Variants in STK33 observed in about 807,000 individuals in gnomAD.
STK33 encodes the protein serine/threonine-protein kinase 33.
In STK33, 52 loss-of-function variants were observed where a neutral mutation model predicts 58.0. That is an observed-to-expected ratio of 0.90 (90% CI 0.72 to 1.13). The LOEUF (loss-of-function observed/expected upper bound fraction) is 1.13. Ranked by LOEUF, STK33 falls within the 50% of genes most tolerant of loss-of-function variation. The pLI, the probability that STK33 is intolerant of heterozygous loss-of-function variation, is 0.00. For missense variants in STK33, 630 were observed against 604.2 expected (o/e 1.04, Z -0.45); for synonymous variants, 215 against 200.1 (o/e 1.07, Z -0.63).
chr11:8,454,713 G>A (rs779379865), intron 10 of STK33, 31 bp downstream of exon 10: 23 of 1,548,792 alleles, frequency 1.5e-5, no homozygotes, highest in Middle Eastern at 1.7e-4. Flanking sequence ...ACTGTTTACA[G>A]GCAAATATTT....
At position 8,517,333 on chromosome 11, in the gene STK33, G is replaced by A. The variant is rs571934008; in HGVS notation, c.-465-36719C>T. On this transcript the variant is annotated intron_variant, in intron 1 of 15. Coordinates refer to ENST00000687296, the MANE Select transcript of STK33 (RefSeq NM_001352389.2). ...ATCCACACCAAAACTCCATCTGTAC[G>A]TCACCATCACCAAAGACCAAAGGTA... is the stretch of plus-strand genomic sequence containing the variant. Among the ~76,000 whole-genome samples the A allele has an allele frequency of 5.3e-4, 80 of 152,290 alleles. 3 individuals are homozygous for A. The South Asian group carries it at 0.014, about 26-fold the overall frequency.
At chr11:8,523,281 C>T (rs1310588436) in intron 1 of STK33, among the ~76,000 whole-genome samples, 2 of 151,600 alleles carry the variant, frequency 1.3e-5, no homozygotes, top group Non-Finnish European at 2.9e-5. Flanking sequence ...AGCCCCTCTG[C>T]CCAGCCGCCC....
chr11:8,543,651 A>G (rs1249208531), intron 1 of STK33, among the ~76,000 whole-genome samples: 4 of 152,208 alleles, frequency 2.6e-5, no homozygotes, highest in Non-Finnish European at 5.9e-5. Context: ...GTACATTAAA[A>G]AAATGGAAGA....
At chr11:8,410,706 C>T (rs1940098863) in intron 15 of STK33, among the ~76,000 whole-genome samples, 2 of 152,092 alleles carry the variant, frequency 1.3e-5, no homozygotes, top group African/African-American at 4.8e-5. Context: ...CTCCTGACCT[C>T]AGGTGATCCA....
intron 1 of STK33, among the ~76,000 whole-genome samples, chr11:8,543,878 A>G (rs929290911): frequency 1.3e-5 from 2 of 152,208 alleles, no homozygotes; most frequent in Non-Finnish European, 2.9e-5. Context: ...CCTACTATGT[A>G]CTCACAAAAA....
intron 1 of STK33, among the ~76,000 whole-genome samples, chr11:8,523,014 C>T (rs1312719511): frequency 6.6e-6 from 1 of 152,214 alleles, no homozygotes; most frequent in Non-Finnish European, 1.5e-5. Context: ...GGCTGGTCTC[C>T]AGCTCCTGAC....
At chr11:8,518,788 C>A (rs187118157) in intron 1 of STK33, among the ~76,000 whole-genome samples, 175 of 152,292 alleles carry the variant, frequency 1.1e-3, no homozygotes, top group African/African-American at 4.0e-3. Flanking sequence ...AAAAGAAGAG[C>A]TAACTTCCTA....
At chr11:8,363,089 C>T in the STK33 span, among the ~76,000 whole-genome samples, 5 of 152,112 alleles carry the variant, frequency 3.3e-5, no homozygotes, top group East Asian at 3.9e-4. Context: ...AGGTGATGAC[C>T]GAAGTGGGAG....
intron 11 of STK33, 58 bp downstream of exon 11, chr11:8,452,764 G>A: frequency 6.7e-7 from 1 of 1,492,702 alleles, no homozygotes; most frequent in Non-Finnish European, 9.3e-7. Context: ...CTCCAGCCTG[G>A]GCAACAGAGG....
At chr11:8,526,828 CA>C (rs35493333) in intron 1 of STK33, among the ~76,000 whole-genome samples, 15 of 131,976 alleles carry the variant, frequency 1.1e-4, no homozygotes, top group African/African-American at 2.0e-4. Context: ...TGATACTGAG[CA>C]AAAAAAAAAA....
In STK33 at chr11:8,533,847, G is replaced by C. The variant is rs565126364; in HGVS notation, c.-465-53233C>G. 1.5e-3 allele frequency among the ~76,000 whole-genome samples: 232 copies of C among 152,270 alleles called. 2 individuals are homozygous for C. The highest frequency in any genetic ancestry group is 5.5e-3 in the African/African-American group (227 of 41,562). ...ATAATACATAGCAAAAGGAAAGAAG[G>C]GCAGAATATCTGCTGTACAGTTGAT... On this transcript the variant is annotated intron_variant, in intron 1 of 15. Transcript: ENST00000687296.
intron 1 of STK33, among the ~76,000 whole-genome samples, chr11:8,491,795 A>T (rs1032308983): frequency 6.6e-6 from 1 of 152,236 alleles, no homozygotes; most frequent in African/African-American, 2.4e-5. Flanking sequence ...AATATTCAAC[A>T]TTCTTAAAGA....
chr11:8,457,572 T>A, intron 8 of STK33, 93 bp from the exon 9 acceptor site: 1 of 1,107,016 alleles, frequency 9.0e-7, no homozygotes, highest in Non-Finnish European at 1.3e-6. Context: ...ACAGTCATAA[T>A]CATTAATTTA....
intron 14 of STK33, among the ~76,000 whole-genome samples, chr11:8,425,128 T>C (rs369323124): frequency 6.6e-6 from 1 of 151,456 alleles, no homozygotes; most frequent in Non-Finnish European, 1.5e-5. Flanking sequence ...GGTCTAACAT[T>C]TAAGTCTTTA....
the STK33 span, among the ~76,000 whole-genome samples, chr11:8,339,560 C>T: frequency 6.6e-6 from 1 of 152,334 alleles, no homozygotes; most frequent in Non-Finnish European, 1.5e-5. Context: ...GGGTGCAGGG[C>T]GGCGCACAGA....
intron 1 of STK33, among the ~76,000 whole-genome samples, chr11:8,499,839 A>G (rs968999801): frequency 6.6e-6 from 1 of 152,040 alleles, no homozygotes; most frequent in Non-Finnish European, 1.5e-5. Flanking sequence ...CAAACACCAC[A>G]TGTTCTCACT....
chr11:8,487,488 A>G (rs1243490818), intron 1 of STK33, among the ~76,000 whole-genome samples: 1 of 151,980 alleles, frequency 6.6e-6, no homozygotes, highest in African/African-American at 2.4e-5. Context: ...AGGCACCTGA[A>G]GTCATGCATA....
downstream of STK33, among the ~76,000 whole-genome samples, chr11:8,389,692 T>A (rs1328759346): frequency 1.3e-5 from 2 of 152,222 alleles, no homozygotes; most frequent in East Asian, 3.8e-4. Context: ...CTGTCTAACC[T>A]GGAACTTACA....
chr11:8,496,991 G>T (rs1388983340), intron 1 of STK33, among the ~76,000 whole-genome samples: 4 of 151,644 alleles, frequency 2.6e-5, no homozygotes, highest in African/African-American at 4.9e-5. Flanking sequence ...GAATAGTTTT[G>T]CATAGCATAC....
Sources: gnomAD v4.1 joint callset for allele counts (sites outside exome capture counted in the v4.1 genomes callset) on GRCh38, gnomAD v4.1.1 for gene constraint, MANE v1.5 for transcripts, NCBI Gene and HGNC (gene_info 2026-07-23, HGNC 2026-07-21) for gene names.